The following LPAR1 variants were observed in gnomAD, a reference collection of about 807,000 sequenced individuals.
The protein encoded by LPAR1 is lysophosphatidic acid receptor 1, also known as LPA receptor 1.
A neutral mutation model predicts 23.8 loss-of-function variants in LPAR1; 5 were observed. The observed-to-expected ratio is 0.21, with a 90% CI of 0.11 to 0.44. LPAR1 has a LOEUF of 0.44. LPAR1 is among the 20% of genes least tolerant of loss of function. The probability of loss-of-function intolerance (pLI) is 0.99; values close to 1 mark genes in which losing one functional copy is unlikely to be tolerated. For missense variants in LPAR1, 311 were observed against 482.8 expected, an observed-to-expected ratio of 0.64 and a Z score of 3.33; for synonymous variants, 160 against 164.7, an observed-to-expected ratio of 0.97 and a Z score of 0.22.
At chr9:110,927,637 T>C (rs1288155568) in intron 5 of LPAR1, among the ~76,000 whole-genome samples, 1 of 152,152 alleles carries the variant, frequency 6.6e-6, no homozygotes, top group Non-Finnish European at 1.5e-5. Flanking sequence ...CATATTAGAA[T>C]AAATTTGATT....
chr9:110,897,750 T>C (rs994232094), intron 5 of LPAR1, among the ~76,000 whole-genome samples: 1 of 149,628 alleles, frequency 6.7e-6, no homozygotes, highest in Admixed American at 6.7e-5. Flanking sequence ...TCTAGAAAGA[T>C]AGGGAGAAAC....
chr9:111,024,553 TACAC>T (rs1391748557), intron 2 of LPAR1, among the ~76,000 whole-genome samples: 1 of 35,310 alleles, frequency 2.8e-5, no homozygotes, highest in African/African-American at 8.2e-5. Context: ...TGTATATATA[TACAC>T]ACACATATAT....
chr9:110,906,526 A>G (rs2091268762), intron 5 of LPAR1, among the ~76,000 whole-genome samples: 2 of 152,152 alleles, frequency 1.3e-5, no homozygotes, highest in Admixed American at 1.3e-4. Flanking sequence ...ACATGCCAAA[A>G]TGGTCACCTC....
At chr9:110,888,199 G>C (rs192156128) in intron 5 of LPAR1, among the ~76,000 whole-genome samples, 1 of 152,226 alleles carries the variant, frequency 6.6e-6, no homozygotes, top group East Asian at 1.9e-4. Flanking sequence ...TTTTGACATA[G>C]AGTCAAGGCT....
intron 2 of LPAR1, among the ~76,000 whole-genome samples, chr9:111,020,201 C>T (rs942740174): frequency 1.3e-5 from 2 of 152,188 alleles, no homozygotes; most frequent in African/African-American, 2.4e-5. Context: ...AAATCCAGTC[C>T]ATAGCAAATG....
At chr9:110,902,668 C>T (rs1431453546) in intron 5 of LPAR1, among the ~76,000 whole-genome samples, 1 of 152,162 alleles carries the variant, frequency 6.6e-6, no homozygotes, top group Non-Finnish European at 1.5e-5. Flanking sequence ...TCCTTACTCA[C>T]CAAGCCTAAG....
intron 1 of LPAR1, among the ~76,000 whole-genome samples, chr9:111,036,540 G>A (rs1284632683): frequency 6.6e-6 from 1 of 151,972 alleles, no homozygotes; most frequent in African/African-American, 2.4e-5. Flanking sequence ...ACCTCCCACC[G>A]GTTTCTCGCT....
intron 2 of LPAR1, among the ~76,000 whole-genome samples, chr9:111,022,354 G>A (rs2097575063): frequency 6.6e-6 from 1 of 152,128 alleles, no homozygotes; most frequent in African/African-American, 2.4e-5. Flanking sequence ...GCACAGCAAT[G>A]GAAGAACTGG....
chr9:110,941,760 G>A lies in LPAR1; in HGVS notation c.454C>T (p.Arg152Cys), dbSNP rs770286316. ...IAIERHITVFRMQLHTRMSNR... is the reference protein window; with the variant it reads ...IAIERHITVFCMQLHTRMSNR... ...CTCATCCGTGTGTGGAGCTGCATGC[G>A]GAAAACCGTAATGTGCCTCTCGATT... The change falls in exon 5 of 6, where the codon CGC becomes TGC. Residue 152 changes from arginine to cysteine, a missense_variant. Physicochemically the swap from Arg to Cys is radical, Grantham distance 180. This residue lies in a region of LPAR1 where 250 missense variants were observed against 427.2 expected (regional missense o/e 0.59). Transcript: ENST00000683809. This position sits in a 1 kb window ranked among gnomAD's most constrained non-coding sequence, Gnocchi z 6.1. The A allele has an allele frequency of 3.1e-6, 5 of 1,614,146 alleles. No homozygotes were observed. The highest frequency in any genetic ancestry group is 4.2e-6 in the Non-Finnish European group (5 of 1,180,022).
chr9:110,900,858 T>G (rs2088624255), intron 5 of LPAR1, among the ~76,000 whole-genome samples: 1 of 152,216 alleles, frequency 6.6e-6, no homozygotes, highest in Non-Finnish European at 1.5e-5. Context: ...ATCCAAAACC[T>G]TCATCAGCAC....
intron 5 of LPAR1, among the ~76,000 whole-genome samples, chr9:110,889,165 T>A (rs982855030): frequency 6.6e-6 from 1 of 152,026 alleles, no homozygotes; most frequent in Non-Finnish European, 1.5e-5. Context: ...ATCGAGACCA[T>A]CCTGGCTAAC....
chr9:110,954,292 A>G (rs13284051), intron 4 of LPAR1, among the ~76,000 whole-genome samples: 1 of 152,354 alleles, frequency 6.6e-6, no homozygotes, highest in East Asian at 1.9e-4. Flanking sequence ...GGATAAAAAA[A>G]GAATGAACAA....
At chr9:111,013,611 T>C (rs535804679) in intron 2 of LPAR1, among the ~76,000 whole-genome samples, 1 of 152,252 alleles carries the variant, frequency 6.6e-6, no homozygotes, top group Admixed American at 6.5e-5. Context: ...CATTTACAAT[T>C]ACAATGGGAT....
chr9:111,018,814 A>G (rs2097505129), intron 2 of LPAR1, among the ~76,000 whole-genome samples: 1 of 152,232 alleles, frequency 6.6e-6, no homozygotes, highest in African/African-American at 2.4e-5. Context: ...AAATTACATA[A>G]AAGTTGTTGA....
At chr9:110,926,982 A>G (rs2094089260) in intron 5 of LPAR1, among the ~76,000 whole-genome samples, 1 of 152,264 alleles carries the variant, frequency 6.6e-6, no homozygotes, top group Non-Finnish European at 1.5e-5. Context: ...CTGTTTCAAT[A>G]GTCTGGGCTG....
chr9:110,879,642 T>A (rs185433126), intron 5 of LPAR1, among the ~76,000 whole-genome samples: 14 of 152,298 alleles, frequency 9.2e-5, no homozygotes, highest in Admixed American at 2.0e-4. Flanking sequence ...CCTCCCACTA[T>A]GGGATTGTAA....
intron 5 of LPAR1, among the ~76,000 whole-genome samples, chr9:110,912,734 G>A (rs548964697): frequency 7.2e-5 from 11 of 151,968 alleles, no homozygotes; most frequent in South Asian, 2.1e-4. Flanking sequence ...TTTTCATGAC[G>A]CAAACAGTGT....
At chr9:110,977,846 G>GGGAAGGAAGGAAGGAAGGAAGGAA (rs1196226719) in intron 2 of LPAR1, among the ~76,000 whole-genome samples, 1 of 75,192 alleles carries the variant, frequency 1.3e-5, no homozygotes, top group East Asian at 4.7e-4. Flanking sequence ...GAAGGAAGGA[G>GGGAAGGAAGGAAGGAAGGAAGGAA]GGAAGGAAGG....
chr9:110,942,854 G>A (rs967303260), intron 4 of LPAR1, among the ~76,000 whole-genome samples: 8 of 151,998 alleles, frequency 5.3e-5, no homozygotes, highest in Admixed American at 3.9e-4. Flanking sequence ...AGGACCCAAC[G>A]TAACCTCCAA....
Sources: allele counts gnomAD v4.1 joint callset (sites outside exome capture counted in the v4.1 genomes callset), GRCh38; gene constraint gnomAD v4.1.1; regional missense constraint gnomAD v4.1.1; non-coding constraint Gnocchi (gnomAD v3.1); transcripts MANE v1.5; gene names NCBI Gene and HGNC (gene_info 2026-07-23, HGNC 2026-07-21).